PLCB1: variants seen among roughly 807,000 people sequenced by gnomAD.
The protein encoded by PLCB1 is phospholipase C beta 1.
Under a neutral mutation model 161.8 loss-of-function variants are expected in PLCB1, and 46 were observed. The observed-to-expected ratio is 0.28, with a 90% CI of 0.22 to 0.36. The LOEUF (loss-of-function observed/expected upper bound fraction) is 0.36, where lower values mean the gene tolerates loss of function less well. Among genes scored for constraint, PLCB1 ranks in the 10% least tolerant of loss-of-function variants. The pLI, the probability that PLCB1 is intolerant of heterozygous loss-of-function variation, is 1.00. For missense variants in PLCB1, 1,016 were observed against 1,472.5 expected (o/e 0.69, Z 5.07); for synonymous variants, 517 against 503.7 (o/e 1.03, Z -0.35).
chr20:8,646,046 G>A (rs1055396642), intron 4 of PLCB1, 56 bp from the exon 5 acceptor site: 1 of 1,138,456 alleles, frequency 8.8e-7, no homozygotes. Flanking sequence ...CTAAAAGCAT[G>A]TGTCTAATGA....
At chr20:8,216,076 C>A (rs1979107077) in intron 2 of PLCB1, among the ~76,000 whole-genome samples, 3 of 151,798 alleles carry the variant, frequency 2.0e-5, no homozygotes, top group African/African-American at 2.4e-5. Context: ...TTTTAGGATC[C>A]TTTTGACATT....
At chr20:8,541,735 A>C (rs1367616754) in intron 3 of PLCB1, among the ~76,000 whole-genome samples, 8 of 152,210 alleles carry the variant, frequency 5.3e-5, no homozygotes, top group Admixed American at 2.6e-4. Flanking sequence ...AAAATACATA[A>C]CTAGTTCCAT....
At chr20:8,316,871 CG>C (rs1984683713) in intron 2 of PLCB1, among the ~76,000 whole-genome samples, 1 of 152,054 alleles carries the variant, frequency 6.6e-6, no homozygotes, top group Admixed American at 6.6e-5. Context: ...TATCCCCTCA[CG>C]GCATTTATCA....
chr20:8,821,501 G>GTATATA (rs552044656), intron 31 of PLCB1, among the ~76,000 whole-genome samples: 2 of 42,390 alleles, frequency 4.7e-5, no homozygotes, highest in Non-Finnish European at 9.4e-5. Context: ...AAAAAAATAT[G>GTATATA]TATATATATA....
chr20:8,758,057 G>A lies in PLCB1; in HGVS notation c.2656+879G>A, dbSNP rs373187172. ...CCTCTGTACATCACACAGTGCTGGG[G>A]AATAGCATGTACCTGATAATTTCTT... On this transcript the variant is annotated intron_variant, in intron 24 of 31. Transcript: ENST00000338037. Among the ~76,000 whole-genome samples the A allele has an allele frequency of 8.6e-5, 13 of 151,358 alleles. No individual in the cohort carries two copies. The South Asian group carries it at 2.1e-3, about 24-fold the overall frequency.
intron 31 of PLCB1, among the ~76,000 whole-genome samples, chr20:8,865,010 C>T (rs900288663): frequency 8.5e-5 from 13 of 152,122 alleles, no homozygotes; most frequent in South Asian, 4.1e-4. Context: ...AGAAGAAAAA[C>T]GAATAGTGTT....
At chr20:8,526,613 G>C (rs970134620) in intron 3 of PLCB1, among the ~76,000 whole-genome samples, 2 of 152,010 alleles carry the variant, frequency 1.3e-5, no homozygotes, top group Admixed American at 6.6e-5. Flanking sequence ...AATATTTAGC[G>C]TAAGAGTAGT....
At chr20:8,736,736 C>A (rs1385031620) in intron 19 of PLCB1, among the ~76,000 whole-genome samples, 1 of 152,152 alleles carries the variant, frequency 6.6e-6, no homozygotes, top group Admixed American at 6.5e-5. Context: ...CTTGTGAGAA[C>A]TCACTATCAT....
At chr20:8,533,902 A>C (rs6118237) in intron 3 of PLCB1, among the ~76,000 whole-genome samples, 1,557 of 152,088 alleles carry the variant, frequency 0.01, 28 homozygotes, top group African/African-American at 0.035. Context: ...TCTTTTGTTG[A>C]CATTGCTTTT....
intron 1 of PLCB1, among the ~76,000 whole-genome samples, chr20:8,145,567 A>G (rs1467386218): frequency 6.6e-6 from 1 of 152,202 alleles, no homozygotes; most frequent in Non-Finnish European, 1.5e-5. Context: ...TGTACTATTT[A>G]AATGTTAAAA....
chr20:8,242,217 C>T (rs560982200), intron 2 of PLCB1, among the ~76,000 whole-genome samples: 5 of 151,920 alleles, frequency 3.3e-5, no homozygotes, highest in African/African-American at 9.6e-5. Context: ...CTCTACCCAG[C>T]GTGTGGTCAC....
intron 10 of PLCB1, among the ~76,000 whole-genome samples, chr20:8,690,162 T>A (rs1352401293): frequency 6.7e-6 from 1 of 149,616 alleles, no homozygotes; most frequent in Non-Finnish European, 1.5e-5. Context: ...TTTTTTTTTT[T>A]ATCTTGCTCC....
intron 3 of PLCB1, among the ~76,000 whole-genome samples, chr20:8,551,267 T>A (rs1985765881): frequency 6.6e-6 from 1 of 152,134 alleles, no homozygotes; most frequent in Non-Finnish European, 1.5e-5. Flanking sequence ...TAGTGTGAGA[T>A]CTTCCATGGA....
At position 8,741,410 on chromosome 20, in the gene PLCB1, T is replaced by C. The variant is rs887007192; in HGVS notation, c.2414-54T>C. On this transcript the variant is annotated intron_variant, in intron 22 of 31. Coordinates refer to ENST00000338037, the MANE Select transcript of PLCB1 (RefSeq NM_015192.4). ...GATAGATGAGTAAGTAGATGAATGA[T>C]GGATAATCAATACTTCCAGGACCTT... 107 of 1,221,080 alleles carry C rather than the reference T, an allele frequency of 8.8e-5. No individual in the cohort carries two copies. The Middle Eastern group carries it at 9.4e-4, about 11-fold the overall frequency. The allele number at this position is 1,221,080 out of a possible 1,614,324, so 75.6% of individuals were successfully genotyped here.
At chr20:8,356,222 A>G in intron 2 of PLCB1, among the ~76,000 whole-genome samples, 1 of 152,204 alleles carries the variant, frequency 6.6e-6, no homozygotes, top group East Asian at 1.9e-4. Flanking sequence ...GGGAATTATT[A>G]AGAAGAAACC....
In PLCB1 at chr20:8,449,177, C is replaced by T. The variant is rs117617087; in HGVS notation, c.246+77727C>T. ...ACTTATACTTATTGAATGCTTATGACATACCAGGTCCTATATCAAGCATTT... is the reference window on the plus strand; with the variant it reads ...ACTTATACTTATTGAATGCTTATGATATACCAGGTCCTATATCAAGCATTT... On this transcript the variant is annotated intron_variant, in intron 3 of 31. Transcript: ENST00000338037. 3.3e-5 allele frequency among the ~76,000 whole-genome samples: 5 copies of T among 152,276 alleles called. 1 individual carries two copies. The East Asian group carries it at 9.7e-4, about 29-fold the overall frequency.
At chr20:8,361,389 C>T (rs1273564762) in intron 2 of PLCB1, among the ~76,000 whole-genome samples, 1 of 152,050 alleles carries the variant, frequency 6.6e-6, no homozygotes, top group East Asian at 1.9e-4. Context: ...CTGTGGGCAG[C>T]CATTGTCTTC....
At chr20:8,761,186 A>G (rs1020128693) in intron 25 of PLCB1, among the ~76,000 whole-genome samples, 2 of 152,198 alleles carry the variant, frequency 1.3e-5, no homozygotes, top group South Asian at 2.1e-4. Context: ...CATAATGTTG[A>G]GGAAAAAAGT....
intron 3 of PLCB1, among the ~76,000 whole-genome samples, chr20:8,511,908 T>C (rs928942166): frequency 5.3e-5 from 8 of 152,196 alleles, no homozygotes; most frequent in Admixed American, 3.9e-4. Flanking sequence ...TTTGAGTTCC[T>C]TATATATTTT....
Sources: gnomAD v4.1 joint callset for allele counts (sites outside exome capture counted in the v4.1 genomes callset) on GRCh38, gnomAD v4.1.1 for gene constraint, MANE v1.5 for transcripts, NCBI Gene and HGNC (gene_info 2026-07-23, HGNC 2026-07-21) for gene names.